SI: variants seen among roughly 807,000 people sequenced by gnomAD.
SI encodes the protein sucrase-isomaltase, also known as sucrase-isomaltase, intestinal.
In SI, 235 loss-of-function variants were observed where a neutral mutation model predicts 253.3. The ratio of observed to expected loss-of-function variants is 0.93; its 90% CI spans 0.83 to 1.03. The LOEUF is 1.03. Among genes scored for constraint, SI ranks in the 50% least tolerant of loss-of-function variants. The pLI, the probability that SI is intolerant of heterozygous loss-of-function variation, is 0.00. For missense variants in SI, 2,442 were observed against 2,211.1 expected (o/e 1.10, Z -2.09); for synonymous variants, 819 against 712.0 (o/e 1.15, Z -2.39).
intron 6 of SI, 50 bp downstream of exon 6, chr3:165,067,290 A>G (rs1387906296): frequency 3.7e-6 from 5 of 1,336,232 alleles, no homozygotes; most frequent in Non-Finnish European, 4.2e-6. Context: ...AGACTTTCCA[A>G]TTCTATAATA....
chr3:165,037,758 A>G, intron 21 of SI, 142 bp downstream of exon 21: 1 of 525,078 alleles, frequency 1.9e-6, no homozygotes. Flanking sequence ...TATAGCTATG[A>G]TGGTTATAGT....
chr3:165,076,834 T>G (rs1715014355), intron 1 of SI, among the ~76,000 whole-genome samples: 1 of 151,692 alleles, frequency 6.6e-6, no homozygotes, highest in Admixed American at 6.6e-5. Context: ...ATATATCTTA[T>G]TTTTCTTAGT....
At chr3:165,089,322 G>A in the SI span, among the ~76,000 whole-genome samples, 10 of 152,098 alleles carry the variant, frequency 6.6e-5, no homozygotes, top group Admixed American at 6.6e-4. Context: ...TGTTGGGAGA[G>A]AGGGTTAAGA....
intron 13 of SI, among the ~76,000 whole-genome samples, chr3:165,051,346 C>G (rs1220587848): frequency 6.6e-6 from 1 of 151,970 alleles, no homozygotes; most frequent in Non-Finnish European, 1.5e-5. Flanking sequence ...TATATATTTC[C>G]ACTTCCCAAA....
chr3:165,089,816 C>G, the SI span, among the ~76,000 whole-genome samples: 2 of 150,822 alleles, frequency 1.3e-5, no homozygotes, highest in Non-Finnish European at 3.0e-5. Context: ...GGCACTCTCT[C>G]CGTTCTCCGG....
At chr3:165,070,409 C>A (rs1714502270) in intron 3 of SI, among the ~76,000 whole-genome samples, 1 of 146,128 alleles carries the variant, frequency 6.8e-6, no homozygotes, top group Admixed American at 6.9e-5. Context: ...TATTTATACC[C>A]AAACACACAT....
At chr3:165,011,749 CATT>C (rs1458714406) in intron 34 of SI, among the ~76,000 whole-genome samples, 5 of 146,024 alleles carry the variant, frequency 3.4e-5, no homozygotes. Context: ...TTTATTTATT[CATT>C]ATTGTTATTA....
At chr3:165,067,873 C>T (rs1322993547) in intron 5 of SI, among the ~76,000 whole-genome samples, 1 of 150,654 alleles carries the variant, frequency 6.6e-6, no homozygotes, top group African/African-American at 2.4e-5. Context: ...AGAATCTTAC[C>T]CATAAAGATA....
upstream of SI, among the ~76,000 whole-genome samples, chr3:165,079,543 T>C (rs911453479): frequency 1.4e-4 from 21 of 151,740 alleles, no homozygotes; most frequent in African/African-American, 5.1e-4. Context: ...AAATCAGTTA[T>C]ATAGCAATAA....
rs370524643 is a variant in SI, at chr3:165,076,001, C to T, written c.12G>A (p.Lys4=). ...GAGAGATTTCCAATCCACTAAATTT[C>T]TTTCTTGCCATCTAAAAACAGAAAA... MAR[K]KFSGLEISLI... The change falls in exon 2 of 48, where the codon AAG becomes AAA. Residue 4 remains lysine, a synonymous_variant. Transcript: ENST00000264382. 1.3e-6 allele frequency: 2 copies of T among 1,581,042 alleles called. No homozygotes were observed. The highest frequency in any genetic ancestry group is 1.7e-6 in the Non-Finnish European group (2 of 1,155,740).
intron 33 of SI, among the ~76,000 whole-genome samples, chr3:165,013,322 C>T (rs1718858121): frequency 6.6e-6 from 1 of 151,810 alleles, no homozygotes; most frequent in African/African-American, 2.4e-5. Context: ...CCAAAAGGTT[C>T]TGGTCAAAAA....
intron 15 of SI, among the ~76,000 whole-genome samples, chr3:165,047,777 A>G (rs1226483990): frequency 6.6e-6 from 1 of 151,984 alleles, no homozygotes; most frequent in Non-Finnish European, 1.5e-5. Flanking sequence ...CTCCAATTAT[A>G]TATTTATTTC....
At chr3:165,068,153 G>A (rs1714356788) in intron 5 of SI, among the ~76,000 whole-genome samples, 1 of 140,134 alleles carries the variant, frequency 7.1e-6, no homozygotes, top group African/African-American at 2.6e-5. Context: ...ACACTTTTCT[G>A]AAATTAAATT....
chr3:165,059,028 C>A lies in SI; in HGVS notation c.1333G>T (p.Glu445Ter). ...RANGTTYATY[E>*]RGNTQHVWIN... is the part of the protein sequence containing the mutation. ...CACACATGTTGTGTGTTTCCCCTCT[C>A]ATAGGTTGCATATGTTGTTCCATTG... Residue 445 changes from glutamate to a stop codon, truncating the protein, a stop_gained, in exon 12 of 48, where the codon GAG becomes TAG. Coordinates refer to ENST00000264382, the MANE Select transcript of SI (RefSeq NM_001041.4). LOFTEE classifies it high-confidence loss of function. 1.2e-6 allele frequency: 2 copies of A among 1,612,568 alleles called. No homozygotes were observed. Among genetic ancestry groups the A allele is most frequent in the East Asian group, 2.2e-5 (1 of 44,718 alleles).
At position 165,065,419 on chromosome 3, in the gene SI, T is replaced by C. The variant is rs764598735; in HGVS notation, c.649A>G (p.Ile217Val). The C allele has an allele frequency of 2.0e-6, 3 of 1,497,984 alleles. No individual in the cohort carries two copies. Among genetic ancestry groups the C allele is most frequent in the East Asian group, 5.2e-5 (2 of 38,482 alleles). 92.8% of individuals were successfully genotyped at this position (1,497,984 alleles called of 1,614,324 possible). A position where few individuals can be genotyped will look rare whatever the true frequency, so the allele number is the denominator to read the frequency against. The change falls in exon 7 of 48, where the codon ATT (isoleucine) becomes GTT (valine). Residue 217 changes from isoleucine to valine, a missense_variant. Transcript: ENST00000264382. ...SNGKTLFDTS[I>V]GPLVYSDQYL... ...TGGTCAGAGTACACTAAGGGACCAA[T>C]GCTGGTGTCAAACCTGCACCATAAA...
In SI at chr3:165,017,875, T is replaced by C; in HGVS notation, c.3521-2A>G. 6.2e-7 allele frequency: 1 copy of C among 1,608,586 alleles called. No homozygotes were observed. The highest frequency in any genetic ancestry group is 8.5e-7 in the Non-Finnish European group (1 of 1,175,370). On this transcript the variant is annotated splice_acceptor_variant, in intron 29 of 47. Coordinates refer to ENST00000264382, the MANE Select transcript of SI (RefSeq NM_001041.4). LOFTEE classifies it high-confidence loss of function. ...CAGGAGTTGGCTGGAATGTAACATC[T>C]GGAAATCCAAAATAACATCCCATTT...
chr3:165,080,330 A>G (rs1298185566), upstream of SI, among the ~76,000 whole-genome samples: 2 of 152,028 alleles, frequency 1.3e-5, no homozygotes, highest in East Asian at 3.9e-4. Context: ...GCCTCTGTCA[A>G]GTTTTAACTA....
intron 4 of SI, 57 bp downstream of exon 4, chr3:165,069,021 A>C: frequency 5.6e-6 from 7 of 1,249,208 alleles, no homozygotes; most frequent in Non-Finnish European, 7.1e-6. Context: ...TATTTTCCAC[A>C]TTTTCGCTCC....
intron 25 of SI, among the ~76,000 whole-genome samples, chr3:165,027,712 C>G (rs925159819): frequency 2.0e-5 from 3 of 151,230 alleles, no homozygotes; most frequent in Non-Finnish European, 4.4e-5. Context: ...ACAAAAATCA[C>G]GGGATCATCT....
Sources: allele counts gnomAD v4.1 joint callset (sites outside exome capture counted in the v4.1 genomes callset), GRCh38; gene constraint gnomAD v4.1.1; transcripts MANE v1.5; gene names NCBI Gene and HGNC (gene_info 2026-07-23, HGNC 2026-07-21).